SLC8A1: variants seen among roughly 807,000 people sequenced by gnomAD.
The protein encoded by SLC8A1 is solute carrier family 8 member A1.
Under a neutral mutation model 68.3 loss-of-function variants are expected in SLC8A1, and 18 were observed. The ratio of observed to expected loss-of-function variants is 0.26; its 90% CI spans 0.18 to 0.39. The LOEUF (loss-of-function observed/expected upper bound fraction) is 0.39. Among genes scored for constraint, SLC8A1 ranks in the 10% least tolerant of loss-of-function variants. SLC8A1 has a pLI of 1.00. For missense variants in SLC8A1, 985 were observed against 1,156.7 expected (o/e 0.85, Z 2.15); for synonymous variants, 475 against 415.5 (o/e 1.14, Z -1.74).
chr2:40,432,708 A>G (rs1698605790), intron 1 of SLC8A1, among the ~76,000 whole-genome samples: 1 of 152,020 alleles, frequency 6.6e-6, no homozygotes, highest in East Asian at 1.9e-4. Context: ...GCCATAAGGC[A>G]TGGGCTTTGA....
At chr2:40,342,760 T>C (rs965252354) in intron 2 of SLC8A1, among the ~76,000 whole-genome samples, 7 of 152,280 alleles carry the variant, frequency 4.6e-5, no homozygotes, top group African/African-American at 1.2e-4. Flanking sequence ...GCCATTTACT[T>C]ACACTTTATA....
At chr2:40,142,055 GC>G (rs2041667327) in intron 6 of SLC8A1, among the ~76,000 whole-genome samples, 1 of 152,162 alleles carries the variant, frequency 6.6e-6, no homozygotes, top group African/African-American at 2.4e-5. Context: ...TATTACAGCA[GC>G]CCTAGCAAAC....
intron 2 of SLC8A1, among the ~76,000 whole-genome samples, chr2:40,276,127 A>T (rs2066665374): frequency 2.0e-5 from 3 of 152,236 alleles, no homozygotes; most frequent in Non-Finnish European, 4.4e-5. Context: ...GCTTTTGAGA[A>T]GACTGGGAAA....
At chr2:40,290,787 G>A (rs547227647) in intron 2 of SLC8A1, among the ~76,000 whole-genome samples, 9 of 152,160 alleles carry the variant, frequency 5.9e-5, no homozygotes, top group Admixed American at 3.9e-4. Flanking sequence ...TTAGATGTTT[G>A]GAAGTCCTAT....
At chr2:40,313,016 C>T (rs746105807) in intron 2 of SLC8A1, among the ~76,000 whole-genome samples, 2 of 151,652 alleles carry the variant, frequency 1.3e-5, no homozygotes, top group East Asian at 1.9e-4. Context: ...TACGTATATA[C>T]ACACACACAC....
intron 1 of SLC8A1, among the ~76,000 whole-genome samples, chr2:40,506,609 A>G (rs1387027584): frequency 6.6e-6 from 1 of 151,956 alleles, no homozygotes; most frequent in African/African-American, 2.4e-5. Flanking sequence ...ATGGTTGTTG[A>G]TAATTTTAAA....
At chr2:40,479,170 G>A (rs531946136) in intron 1 of SLC8A1, among the ~76,000 whole-genome samples, 64 of 152,256 alleles carry the variant, frequency 4.2e-4, no homozygotes, top group African/African-American at 1.3e-3. Flanking sequence ...GACTGTTGTC[G>A]AATAAACAGT....
At chr2:40,148,334 GTCTC>G (rs2042833797) in intron 6 of SLC8A1, among the ~76,000 whole-genome samples, 1 of 152,162 alleles carries the variant, frequency 6.6e-6, no homozygotes, top group African/African-American at 2.4e-5. Flanking sequence ...GCAAACATCT[GTCTC>G]TCTGGGCAGC....
intron 2 of SLC8A1, among the ~76,000 whole-genome samples, chr2:40,401,476 C>T (rs535055724): frequency 2.7e-5 from 4 of 149,062 alleles, no homozygotes; most frequent in Non-Finnish European, 5.9e-5. Flanking sequence ...AACATTTCTT[C>T]TCCCATACTA....
At chr2:40,151,007 C>T (rs999184643) in intron 6 of SLC8A1, among the ~76,000 whole-genome samples, 5 of 152,176 alleles carry the variant, frequency 3.3e-5, no homozygotes, top group African/African-American at 1.2e-4. Context: ...CTCTGTCTTT[C>T]TTCTTAGTCA....
chr2:40,254,901 G>C (rs1382382049), intron 2 of SLC8A1: 1 of 152,078 alleles, frequency 6.6e-6, no homozygotes, highest in African/African-American at 2.4e-5. Context: ...ACACTGGGCT[G>C]ATGTGCAAGG....
At chr2:40,243,767 G>A (rs1290068756) in intron 2 of SLC8A1, among the ~76,000 whole-genome samples, 1 of 152,204 alleles carries the variant, frequency 6.6e-6, no homozygotes, top group African/African-American at 2.4e-5. Flanking sequence ...CACCAACTCT[G>A]CTGCACATTT....
intron 2 of SLC8A1, among the ~76,000 whole-genome samples, chr2:40,403,049 T>G (rs1347026073): frequency 6.6e-6 from 1 of 152,206 alleles, no homozygotes; most frequent in Non-Finnish European, 1.5e-5. Flanking sequence ...CACTCAAATG[T>G]ATAAGATGTA....
intron 2 of SLC8A1, among the ~76,000 whole-genome samples, chr2:40,420,688 G>A (rs750803905): frequency 5.9e-5 from 9 of 152,160 alleles, no homozygotes; most frequent in Non-Finnish European, 1.0e-4. Context: ...GTTAATACAC[G>A]TTCTAGAATC....
At position 40,127,340 on chromosome 2, in the gene SLC8A1, C is replaced by A. The variant is rs2038336529; in HGVS notation, c.2438-11711G>T. ...TCTCCCCAAAGCACAGACTAAACGG[C>A]AGGAAGCACGTCCAACCACTTCCAG... On this transcript the variant is annotated intron_variant, in intron 7 of 7. Coordinates refer to ENST00000406785, the Ensembl canonical transcript of SLC8A1. Among the ~76,000 whole-genome samples the A allele has an allele frequency of 2.0e-5, 3 of 152,128 alleles. No homozygotes were observed. In the South Asian group the frequency reaches 6.2e-4, roughly 32 times the overall value.
At chr2:40,290,742 ATAATGAG>A (rs2069161929) in intron 2 of SLC8A1, among the ~76,000 whole-genome samples, 2 of 152,198 alleles carry the variant, frequency 1.3e-5, no homozygotes, top group Non-Finnish European at 2.9e-5. Context: ...TACAGCTATA[ATAATGAG>A]TAATAACAAC....
intron 6 of SLC8A1, among the ~76,000 whole-genome samples, chr2:40,143,601 A>G (rs1167419640): frequency 6.6e-6 from 1 of 152,174 alleles, no homozygotes. Context: ...TGGACTTCTT[A>G]AATATAACTA....
At chr2:40,204,742 T>A (rs1453593951) in intron 2 of SLC8A1, among the ~76,000 whole-genome samples, 1 of 152,036 alleles carries the variant, frequency 6.6e-6, no homozygotes, top group Non-Finnish European at 1.5e-5. Context: ...TAACTTTTAT[T>A]TACTCAATAT....
intron 7 of SLC8A1, among the ~76,000 whole-genome samples, chr2:40,133,188 T>C (rs2039738019): frequency 6.6e-6 from 1 of 152,186 alleles, no homozygotes; most frequent in Admixed American, 6.5e-5. Context: ...AATTCAGCTC[T>C]AAAGCTCTTG....
Sources: allele counts gnomAD v4.1 joint callset (sites outside exome capture counted in the v4.1 genomes callset), GRCh38; gene constraint gnomAD v4.1.1; transcripts MANE v1.5; gene names NCBI Gene and HGNC (gene_info 2026-07-23, HGNC 2026-07-21).